ATRN: variants seen among roughly 807,000 people sequenced by gnomAD.
ATRN encodes the protein attractin-2.
A neutral mutation model predicts 178.7 loss-of-function variants in ATRN; 54 were observed. The ratio of observed to expected loss-of-function variants is 0.30; its 90% CI spans 0.24 to 0.38. ATRN has a LOEUF of 0.38. Ranked by LOEUF, ATRN falls within the 10% of genes least tolerant of loss-of-function variation. The pLI, the probability that ATRN is intolerant of heterozygous loss-of-function variation, is 1.00. For synonymous variants in ATRN, 636 were observed against 663.0 expected (o/e 0.96, Z 0.63); for missense variants, 1,443 against 1,815.1 (o/e 0.79, Z 3.73).
Position 3,595,476 on chromosome 20 carries a change from T to C in ATRN, c.3417-901T>C, listed in dbSNP as rs190000606. Among the ~76,000 whole-genome samples the C allele has an allele frequency of 6.6e-5, 10 of 152,318 alleles. No homozygotes were observed. The East Asian group carries it at 1.2e-3, about 18-fold the overall frequency. Reference sequence around the variant, plus strand: ...AGGGTTTGGTCTGTCTACTTTTTAGTTTATATCTGCATATATGTTTACTAG... The same window carrying C: ...AGGGTTTGGTCTGTCTACTTTTTAGCTTATATCTGCATATATGTTTACTAG... On this transcript the variant is annotated intron_variant, in intron 20 of 28. Coordinates refer to ENST00000262919, the MANE Select transcript of ATRN (RefSeq NM_139321.3).
At position 3,591,280 on chromosome 20, in the gene ATRN, A is replaced by T; in HGVS notation, c.3296A>T (p.Asp1099Val). Residue 1099 changes from aspartate (D) to valine (V), a missense_variant, in exon 19 of 29, where the codon GAT (aspartate) becomes GTT (valine). By Grantham distance (152) the Asp-to-Val change is radical. Transcript: ENST00000262919. ...ACCTGCATATCTGGCTTCTACGGTGATCCCACCAATGGAGGGAAATGTCAG... is the reference window on the plus strand; with the variant it reads ...ACCTGCATATCTGGCTTCTACGGTGTTCCCACCAATGGAGGGAAATGTCAG... ...CETCISGFYG[D>V]PTNGGKCQPC... is the part of the protein sequence containing the mutation. 6.2e-7 allele frequency: 1 copy of T among 1,614,090 alleles called. No individual in the cohort carries two copies. Among genetic ancestry groups the T allele is most frequent in the Non-Finnish European group, 8.5e-7 (1 of 1,179,952 alleles).
chr20:3,640,347 A>G (rs1321016729), intron 27 of ATRN, among the ~76,000 whole-genome samples: 1 of 152,244 alleles, frequency 6.6e-6, no homozygotes, highest in East Asian at 1.9e-4. Flanking sequence ...AGAAAGTACA[A>G]TAGATACTAA....
intron 27 of ATRN, among the ~76,000 whole-genome samples, chr20:3,641,314 G>A (rs2087065623): frequency 6.6e-6 from 1 of 152,104 alleles, no homozygotes; most frequent in East Asian, 1.9e-4. Context: ...AAAGAGGCCG[G>A]GTGTGGTGGC....
At chr20:3,510,768 A>G (rs1273541861) in intron 1 of ATRN, among the ~76,000 whole-genome samples, 1 of 152,050 alleles carries the variant, frequency 6.6e-6, no homozygotes, top group Non-Finnish European at 1.5e-5. Context: ...TTTCCACTAT[A>G]TAATTACTAT....
chr20:3,573,068 G>A, intron 12 of ATRN, 117 bp downstream of exon 12: 1 of 896,644 alleles, frequency 1.1e-6, no homozygotes, highest in Admixed American at 2.6e-5. Context: ...AAATTATTCA[G>A]TAATAACTTG....
At position 3,549,290 on chromosome 20, in the gene ATRN, TTGTTGGAGGATATA is replaced by T; in HGVS notation, c.1069_1082del (p.Gly357GlnfsTer6). The T allele has an allele frequency of 6.2e-7, 1 of 1,609,086 alleles. No homozygotes were observed. Among genetic ancestry groups the T allele is most frequent in the Non-Finnish European group, 8.5e-7 (1 of 1,178,376 alleles). ...GTGGTCAATGGAAACATTATGTGGGTTGTTGGAGGATATATGTTCAACCACTCAGATTATAACAT... is the reference window on the plus strand; with the variant it reads ...GTGGTCAATGGAAACATTATGTGGGTTGTTCAACCACTCAGATTATAACAT... On this transcript the variant is annotated frameshift_variant, in exon 6 of 29. Coordinates refer to ENST00000262919, the MANE Select transcript of ATRN (RefSeq NM_139321.3). LOFTEE classifies it high-confidence loss of function.
At chr20:3,579,183 C>G (rs1198579255) in intron 15 of ATRN, among the ~76,000 whole-genome samples, 1 of 152,084 alleles carries the variant, frequency 6.6e-6, no homozygotes, top group East Asian at 1.9e-4. Context: ...TGTATAATTA[C>G]CACTAAGAAG....
chr20:3,565,609 T>C (rs1421940759), intron 11 of ATRN, among the ~76,000 whole-genome samples, 177 bp downstream of exon 11: 3 of 151,912 alleles, frequency 2.0e-5, no homozygotes, highest in African/African-American at 7.3e-5. Context: ...CTACTAAAAG[T>C]ACAAAAATTA....
intron 22 of ATRN, 49 bp from the exon 23 acceptor site, chr20:3,600,897 T>C (rs762857020): frequency 4.0e-6 from 6 of 1,499,582 alleles, no homozygotes; most frequent in Non-Finnish European, 3.7e-6. Context: ...TATTTTAAAA[T>C]CTAGAAATTG....
At chr20:3,480,375 A>T (rs1350196343) in intron 1 of ATRN, among the ~76,000 whole-genome samples, 1 of 152,176 alleles carries the variant, frequency 6.6e-6, no homozygotes, top group Non-Finnish European at 1.5e-5. Context: ...TAGAACTGTT[A>T]AGAGTTAGCG....
intron 24 of ATRN, among the ~76,000 whole-genome samples, chr20:3,618,059 G>A (rs1171495781): frequency 6.6e-6 from 1 of 152,208 alleles, no homozygotes; most frequent in Non-Finnish European, 1.5e-5. Context: ...GTGGGCTATG[G>A]CTGCATTGTC....
intron 1 of ATRN, among the ~76,000 whole-genome samples, chr20:3,501,538 A>G (rs1389296208): frequency 6.6e-6 from 1 of 152,170 alleles, no homozygotes; most frequent in Non-Finnish European, 1.5e-5. Flanking sequence ...CATTTCTATC[A>G]GTGGTAGAAT....
chr20:3,490,087 G>C, intron 1 of ATRN: 1 of 1,336,852 alleles, frequency 7.5e-7, no homozygotes, highest in Non-Finnish European at 1.1e-6. Context: ...TCAATGTCTC[G>C]CTTGGTGCCC....
At chr20:3,552,350 A>G (rs988856591) in intron 6 of ATRN, among the ~76,000 whole-genome samples, 3 of 151,930 alleles carry the variant, frequency 2.0e-5, no homozygotes, top group African/African-American at 4.8e-5. Flanking sequence ...TGACATCTCA[A>G]CCTTCTGGCT....
intron 24 of ATRN, among the ~76,000 whole-genome samples, chr20:3,607,707 G>A (rs1286265358): frequency 6.6e-6 from 1 of 152,152 alleles, no homozygotes; most frequent in Non-Finnish European, 1.5e-5. Flanking sequence ...TATCTCTCCA[G>A]TATACTGATT....
intron 1 of ATRN, among the ~76,000 whole-genome samples, chr20:3,492,856 C>T (rs374145938): frequency 1.7e-5 from 2 of 116,562 alleles, no homozygotes; most frequent in South Asian, 2.3e-4. Context: ...GAGAGAGAGG[C>T]GCGCGCGCGC....
chr20:3,511,949 A>G (rs533487716), intron 1 of ATRN, among the ~76,000 whole-genome samples: 5 of 151,364 alleles, frequency 3.3e-5, no homozygotes, highest in African/African-American at 9.7e-5. Context: ...AGTTAATAAC[A>G]TCAATTAATT....
chr20:3,488,981 G>A (rs992255374), intron 1 of ATRN, among the ~76,000 whole-genome samples: 1 of 152,034 alleles, frequency 6.6e-6, no homozygotes, highest in Non-Finnish European at 1.5e-5. Context: ...TGTTTTTTGA[G>A]ACGGAGTCTC....
At position 3,645,638 on chromosome 20, in the gene ATRN, A is replaced by C. The variant is rs911567134; in HGVS notation, c.4166-1085A>C. 4.6e-5 allele frequency among the ~76,000 whole-genome samples: 7 copies of C among 152,154 alleles called. No individual in the cohort carries two copies. The East Asian group carries it at 1.4e-3, about 29-fold the overall frequency. ...AAGGTCTGCTCAATGCTTGAGACCCACCCAACAGTGGGGCCGTCCTTGCTG... is the reference window on the plus strand; with the variant it reads ...AAGGTCTGCTCAATGCTTGAGACCCCCCCAACAGTGGGGCCGTCCTTGCTG... On this transcript the variant is annotated intron_variant, in intron 28 of 28. Transcript: ENST00000262919. The surrounding 1 kb of genome is among the most constrained non-coding windows in gnomAD (Gnocchi z 4.7).
Sources: allele counts gnomAD v4.1 joint callset (sites outside exome capture counted in the v4.1 genomes callset), GRCh38; gene constraint gnomAD v4.1.1; non-coding constraint Gnocchi (gnomAD v3.1); transcripts MANE v1.5; gene names NCBI Gene and HGNC (gene_info 2026-07-23, HGNC 2026-07-21).